Variants in STPG2 observed in about 807,000 individuals in gnomAD.
The protein encoded by STPG2 is sperm tail PG-rich repeat containing 2.
STPG2 carries 56 observed loss-of-function variants against 54.2 expected under a neutral mutation model. The observed-to-expected ratio is 1.03, with a 90% CI of 0.83 to 1.29. The LOEUF (loss-of-function observed/expected upper bound fraction) is 1.29. Among genes scored for constraint, STPG2 ranks in the 50% most tolerant of loss-of-function variants. STPG2 has a pLI of 0.00. For synonymous variants in STPG2, 200 were observed against 181.8 expected, an observed-to-expected ratio of 1.10 and a Z score of -0.81; for missense variants, 596 against 544.9, an observed-to-expected ratio of 1.09 and a Z score of -0.93.
chr4:98,008,165 G>C (rs1735628508), intron 5 of STPG2, among the ~76,000 whole-genome samples: 1 of 152,024 alleles, frequency 6.6e-6, no homozygotes, highest in Non-Finnish European at 1.5e-5. Context: ...TGTCATTGTG[G>C]AGAAAAAATC....
chr4:97,550,441 A>C (rs1731939259), intron 4 of STPG2, among the ~76,000 whole-genome samples: 2 of 152,304 alleles, frequency 1.3e-5, no homozygotes, highest in South Asian at 4.1e-4. Context: ...GCATGTGTGG[A>C]GTGAAAAAGG....
At chr4:97,575,339 A>G (rs1732697645) in intron 10 of STPG2, among the ~76,000 whole-genome samples, 1 of 152,026 alleles carries the variant, frequency 6.6e-6, no homozygotes, top group South Asian at 2.1e-4. Flanking sequence ...CACAATGAAA[A>G]AAGAAAACAA....
At chr4:97,971,109 T>C (rs138177489) in intron 7 of STPG2, among the ~76,000 whole-genome samples, 2 of 152,084 alleles carry the variant, frequency 1.3e-5, no homozygotes, top group Non-Finnish European at 2.9e-5. Context: ...TGAGATACCA[T>C]CTCACACCAG....
At chr4:97,829,699 A>G (rs564148965) in intron 9 of STPG2, among the ~76,000 whole-genome samples, 2 of 152,302 alleles carry the variant, frequency 1.3e-5, no homozygotes, top group South Asian at 4.1e-4. Flanking sequence ...TGGAGCTGAA[A>G]AACACAGCAC....
intron 8 of STPG2, among the ~76,000 whole-genome samples, chr4:97,920,431 C>T (rs1362896769): frequency 2.6e-5 from 4 of 152,202 alleles, no homozygotes; most frequent in Admixed American, 6.5e-5. Flanking sequence ...ACTCGTGCCA[C>T]TGGACCAAAG....
intron 9 of STPG2, among the ~76,000 whole-genome samples, chr4:97,779,043 A>G (rs1726497232): frequency 1.3e-5 from 2 of 152,214 alleles, no homozygotes; most frequent in African/African-American, 2.4e-5. Context: ...CTGCAAAGGA[A>G]CACAGCTCCT....
In STPG2 at chr4:98,128,356, AG is replaced by A. The variant is rs1474572785; in HGVS notation, c.387+71del. The A allele has an allele frequency of 3.0e-6, 4 of 1,314,436 alleles. No homozygotes were observed. The African/African-American group carries it at 4.6e-5, about 15-fold the overall frequency. 81.4% of individuals were successfully genotyped at this position (1,314,436 alleles called of 1,614,324 possible). A position where few individuals can be genotyped will look rare whatever the true frequency, so the allele number is the denominator to read the frequency against. On this transcript the variant is annotated intron_variant, in intron 3 of 10. Coordinates refer to ENST00000295268, the MANE Select transcript of STPG2 (RefSeq NM_174952.3). ...CATTTTTTTCTTGGAGAAATAAGCC[AG>A]GAAAAAAAGAAACCCATATGTAAAT...
chr4:97,773,085 C>T (rs951119100), intron 9 of STPG2, among the ~76,000 whole-genome samples: 10 of 152,094 alleles, frequency 6.6e-5, no homozygotes, highest in South Asian at 6.2e-4. Context: ...TTTTATATTA[C>T]GTCAACAAAC....
intron 10 of STPG2, among the ~76,000 whole-genome samples, chr4:97,699,508 C>T (rs1182927000): frequency 6.6e-6 from 1 of 152,212 alleles, no homozygotes; most frequent in African/African-American, 2.4e-5. Flanking sequence ...TTCCAAGTCC[C>T]TGACCATCCA....
intron 9 of STPG2, among the ~76,000 whole-genome samples, chr4:97,741,000 T>C (rs1403148822): frequency 6.6e-6 from 1 of 152,116 alleles, no homozygotes; most frequent in Admixed American, 6.5e-5. Context: ...AGCATGGTAC[T>C]GGTACCAAAC....
chr4:97,564,530 G>C (rs542513351), intron 10 of STPG2, among the ~76,000 whole-genome samples: 4 of 152,148 alleles, frequency 2.6e-5, no homozygotes, highest in Non-Finnish European at 5.9e-5. Context: ...TCCTAGCATC[G>C]ATGGTCTTTA....
chr4:97,937,622 A>C (rs1467161358), intron 8 of STPG2, among the ~76,000 whole-genome samples: 1 of 152,072 alleles, frequency 6.6e-6, no homozygotes, highest in Non-Finnish European at 1.5e-5. Context: ...TTTCCTTTGA[A>C]TAGTCAGGTC....
intron 10 of STPG2, among the ~76,000 whole-genome samples, chr4:97,638,134 A>G (rs1357188525): frequency 2.0e-5 from 3 of 152,186 alleles, no homozygotes; most frequent in Admixed American, 2.0e-4. Flanking sequence ...TGGTACTGGT[A>G]CCAAAACAGA....
At chr4:98,058,680 T>A (rs555647464) in intron 5 of STPG2, among the ~76,000 whole-genome samples, 3 of 152,032 alleles carry the variant, frequency 2.0e-5, no homozygotes, top group African/African-American at 7.2e-5. Context: ...ACAAAGACAT[T>A]CAGGACCTGA....
At chr4:97,862,639 A>G (rs1729599336) in intron 8 of STPG2, among the ~76,000 whole-genome samples, 1 of 152,170 alleles carries the variant, frequency 6.6e-6, no homozygotes, top group African/African-American at 2.4e-5. Context: ...TCAAAAGAAT[A>G]TACATTCTTC....
intron 8 of STPG2, among the ~76,000 whole-genome samples, chr4:97,897,081 C>T (rs992582485): frequency 2.0e-5 from 3 of 151,880 alleles, no homozygotes; most frequent in African/African-American, 7.2e-5. Flanking sequence ...TCAATAAGCC[C>T]CAGTGTGTGT....
chr4:97,638,309 G>A (rs1288925109), intron 10 of STPG2, among the ~76,000 whole-genome samples: 4 of 152,026 alleles, frequency 2.6e-5, no homozygotes, highest in African/African-American at 9.7e-5. Flanking sequence ...AGCTGAAACT[G>A]GATCCCTTCC....
At chr4:97,849,419 T>C (rs1729077968) in intron 8 of STPG2, among the ~76,000 whole-genome samples, 1 of 151,642 alleles carries the variant, frequency 6.6e-6, no homozygotes, top group South Asian at 2.1e-4. Context: ...AATTGACAAA[T>C]AGGATCTCAT....
In STPG2 at chr4:97,520,389, C is replaced by T. The variant is rs114714642; in HGVS notation, c.462+192310G>A. On this transcript the variant is annotated intron_variant, in intron 4 of 4. Coordinates refer to the STPG2 transcript ENST00000522676. ...ACACTATAAACTAGCCTTGACCAATCGCCAAGTCAACAGTATGATAGCTTG... is the reference window on the plus strand; with the variant it reads ...ACACTATAAACTAGCCTTGACCAATTGCCAAGTCAACAGTATGATAGCTTG... Among the ~76,000 whole-genome samples, 327 of 152,116 alleles carry T rather than the reference C, an allele frequency of 2.1e-3. 1 individual carries two copies. Among genetic ancestry groups the T allele is most frequent in the African/African-American group, 7.2e-3 (298 of 41,518 alleles).
Sources: allele counts gnomAD v4.1 joint callset (sites outside exome capture counted in the v4.1 genomes callset), GRCh38; gene constraint gnomAD v4.1.1; transcripts MANE v1.5; gene names NCBI Gene and HGNC (gene_info 2026-07-23, HGNC 2026-07-21).